Variants in CDH12 observed in about 807,000 individuals in gnomAD.
CDH12 encodes cadherin 12.
A neutral mutation model predicts 74.1 loss-of-function variants in CDH12; 41 were observed. That is an observed-to-expected ratio of 0.55 (90% CI 0.43 to 0.72). The LOEUF (loss-of-function observed/expected upper bound fraction) is 0.72. CDH12 is among the 30% of genes least tolerant of loss of function. The probability of loss-of-function intolerance (pLI) is 0.00; values close to 1 mark genes in which losing one functional copy is unlikely to be tolerated. For synonymous variants in CDH12, 399 were observed against 355.0 expected, an observed-to-expected ratio of 1.12 and a Z score of -1.39; for missense variants, 945 against 977.2, an observed-to-expected ratio of 0.97 and a Z score of 0.44.
In CDH12 at chr5:22,839,410, G is replaced by A. The variant is rs1288276489; in HGVS notation, c.-523+13648C>T. 2.7e-5 allele frequency among the ~76,000 whole-genome samples: 4 copies of A among 148,334 alleles called. No homozygotes were observed. In the Admixed American group the frequency reaches 2.7e-4, roughly 10 times the overall value. On this transcript the variant is annotated intron_variant, in intron 1 of 14. Coordinates refer to ENST00000382254, the MANE Select transcript of CDH12 (RefSeq NM_004061.5). ...GCTCTTGTTGCCCAGGCTGGCTGGAGTGCAATGGTGCTATCTCGGCTCACT... is the reference window on the plus strand; with the variant it reads ...GCTCTTGTTGCCCAGGCTGGCTGGAATGCAATGGTGCTATCTCGGCTCACT...
chr5:22,648,912 G>C (rs766898414), intron 1 of CDH12, among the ~76,000 whole-genome samples: 34 of 151,822 alleles, frequency 2.2e-4, no homozygotes, highest in Non-Finnish European at 2.9e-4. Flanking sequence ...TATCTACTGT[G>C]AACAGGATAA....
In CDH12 at chr5:22,212,662, C is replaced by T; in HGVS notation, c.-332-19G>A. On this transcript the variant is annotated intron_variant, in intron 3 of 14. Coordinates refer to ENST00000382254, the MANE Select transcript of CDH12 (RefSeq NM_004061.5). ...TCACTGTCTAAGGAGAGAAAAACATCAGCTGAAATCCTCCGAGGTTCCCAG... is the reference window on the plus strand; with the variant it reads ...TCACTGTCTAAGGAGAGAAAAACATTAGCTGAAATCCTCCGAGGTTCCCAG... 3 of 850,314 alleles carry T rather than the reference C, an allele frequency of 3.5e-6. No homozygotes were observed. Among genetic ancestry groups the T allele is most frequent in the Non-Finnish European group, 4.1e-6 (3 of 725,354 alleles). The allele number at this position is 850,314 out of a possible 1,614,324, so 52.7% of individuals were successfully genotyped here. A position where few individuals can be genotyped will look rare whatever the true frequency, so the allele number is the denominator to read the frequency against.
At chr5:22,604,632 A>T (rs146337238) in intron 1 of CDH12, among the ~76,000 whole-genome samples, 1 of 152,210 alleles carries the variant, frequency 6.6e-6, no homozygotes, top group African/African-American at 2.4e-5. Context: ...CATCTAAAAA[A>T]ACCTTCATTA....
At chr5:22,153,182 T>TC (rs1347198744) in intron 4 of CDH12, among the ~76,000 whole-genome samples, 1 of 122,676 alleles carries the variant, frequency 8.2e-6, no homozygotes, top group African/African-American at 2.6e-5. Context: ...TTTTTTCTTT[T>TC]CTTTTTTTTT....
intron 1 of CDH12, among the ~76,000 whole-genome samples, chr5:22,678,644 T>C (rs1330206532): frequency 6.6e-6 from 1 of 152,160 alleles, no homozygotes; most frequent in African/African-American, 2.4e-5. Context: ...AAGGCAGTAA[T>C]CTAAAAGTAA....
At chr5:22,327,425 CCTCTGT>C (rs1484035962) in intron 3 of CDH12, among the ~76,000 whole-genome samples, 2 of 90,234 alleles carry the variant, frequency 2.2e-5, no homozygotes, top group Admixed American at 1.2e-4. Flanking sequence ...AAAATTTGTG[CCTCTGT>C]GTGTGTGTGT....
chr5:21,958,010 T>G lies in CDH12; in HGVS notation c.526+17081A>C, dbSNP rs574505576. Among the ~76,000 whole-genome samples the G allele has an allele frequency of 4.6e-5, 7 of 152,000 alleles. No individual in the cohort carries two copies. In the East Asian group the frequency reaches 1.4e-3, roughly 30 times the overall value. ...ATAATCACCACATGGAGAGACCAGG[T>G]GGAGGTAATTGAATCTGGGGGTGGT... On this transcript the variant is annotated intron_variant, in intron 6 of 14. Transcript: ENST00000382254.
At chr5:22,032,721 G>A (rs1294961386) in intron 5 of CDH12, among the ~76,000 whole-genome samples, 1 of 142,818 alleles carries the variant, frequency 7.0e-6, no homozygotes, top group Non-Finnish European at 1.5e-5. Context: ...AAAAAAAAAT[G>A]TATATACATA....
intron 3 of CDH12, among the ~76,000 whole-genome samples, chr5:22,269,565 T>C (rs1736289442): frequency 2.6e-5 from 4 of 152,150 alleles, no homozygotes; most frequent in South Asian, 4.1e-4. Context: ...ATTTACACCA[T>C]GTCCAAACTA....
At chr5:22,440,542 G>T (rs1389599320) in intron 2 of CDH12, among the ~76,000 whole-genome samples, 3 of 152,152 alleles carry the variant, frequency 2.0e-5, no homozygotes, top group Non-Finnish European at 4.4e-5. Context: ...CTAGAGAACA[G>T]AATTCCAAAA....
chr5:21,972,827 T>C (rs1434559032), intron 6 of CDH12, among the ~76,000 whole-genome samples: 13 of 151,938 alleles, frequency 8.6e-5, no homozygotes, highest in African/African-American at 1.9e-4. Context: ...ATTATGTAAA[T>C]TTAGTATAAA....
intron 5 of CDH12, among the ~76,000 whole-genome samples, chr5:22,036,054 A>T (rs998106184): frequency 2.0e-5 from 3 of 152,170 alleles, no homozygotes; most frequent in Non-Finnish European, 4.4e-5. Context: ...AGGGCCATTA[A>T]CTGTCTTGTA....
intron 3 of CDH12, among the ~76,000 whole-genome samples, chr5:22,384,724 A>G (rs1741928333): frequency 6.6e-6 from 1 of 152,100 alleles, no homozygotes; most frequent in South Asian, 2.1e-4. Flanking sequence ...ATGTGTATGT[A>G]TGTTAAAATG....
chr5:21,843,153 T>A (rs191432803), intron 7 of CDH12, among the ~76,000 whole-genome samples: 2 of 152,312 alleles, frequency 1.3e-5, no homozygotes, highest in East Asian at 3.9e-4. Context: ...ATACATTTCA[T>A]ACCAAATTCC....
At chr5:22,028,441 A>G (rs941492729) in intron 5 of CDH12, among the ~76,000 whole-genome samples, 1 of 152,172 alleles carries the variant, frequency 6.6e-6, no homozygotes, top group Non-Finnish European at 1.5e-5. Flanking sequence ...ATGTACAAAA[A>G]TCACAAGCAT....
intron 3 of CDH12, among the ~76,000 whole-genome samples, chr5:22,331,723 C>T (rs975879593): frequency 7.9e-5 from 12 of 152,132 alleles, no homozygotes; most frequent in Non-Finnish European, 1.5e-5. Flanking sequence ...ACACAGAATT[C>T]ACAATAGCTG....
intron 7 of CDH12, among the ~76,000 whole-genome samples, chr5:21,853,650 C>T (rs1191931669): frequency 3.3e-5 from 5 of 151,606 alleles, no homozygotes; most frequent in East Asian, 1.9e-4. Flanking sequence ...ATATCTAATT[C>T]GTATACCAGA....
chr5:22,287,367 TG>T (rs1737185307), intron 3 of CDH12, among the ~76,000 whole-genome samples: 2 of 152,110 alleles, frequency 1.3e-5, no homozygotes, highest in Admixed American at 1.3e-4. Flanking sequence ...ATAATATAAA[TG>T]TCAATTTATA....
chr5:21,787,681 G>A (rs1004318140), intron 10 of CDH12, among the ~76,000 whole-genome samples: 8 of 152,208 alleles, frequency 5.3e-5, no homozygotes, highest in East Asian at 1.9e-4. Flanking sequence ...TATGAGCCAC[G>A]CTGTTAATCT....
Sources: allele counts gnomAD v4.1 joint callset (sites outside exome capture counted in the v4.1 genomes callset), GRCh38; gene constraint gnomAD v4.1.1; transcripts MANE v1.5; gene names NCBI Gene and HGNC (gene_info 2026-07-23, HGNC 2026-07-21).